Variants in TRAPPC9 observed in about 807,000 individuals in gnomAD.
TRAPPC9 encodes trafficking protein particle complex subunit 9, also known as IKK2 binding protein.
In TRAPPC9, 83 loss-of-function variants were observed where a neutral mutation model predicts 124.0. That is an observed-to-expected ratio of 0.67 (90% CI 0.56 to 0.80). TRAPPC9 has a LOEUF of 0.80. TRAPPC9 is among the 30% of genes least tolerant of loss of function. TRAPPC9 has a pLI of 0.00. For missense variants in TRAPPC9, 1,302 were observed against 1,508.3 expected (o/e 0.86, Z 2.27); for synonymous variants, 638 against 617.5 (o/e 1.03, Z -0.49).
At chr8:140,165,586 G>A (rs2061821856) in intron 17 of TRAPPC9, among the ~76,000 whole-genome samples, 1 of 139,026 alleles carries the variant, frequency 7.2e-6, no homozygotes, top group Non-Finnish European at 1.6e-5. Context: ...GGGAAGGGAA[G>A]GGGGAAGGAG....
At chr8:140,342,590 C>T (rs1280344203) in intron 9 of TRAPPC9, among the ~76,000 whole-genome samples, 1 of 152,090 alleles carries the variant, frequency 6.6e-6, no homozygotes, top group East Asian at 1.9e-4. Flanking sequence ...AAATTATACC[C>T]CTTTACTGAC....
intron 19 of TRAPPC9, among the ~76,000 whole-genome samples, chr8:139,980,063 T>A (rs1197660003): frequency 6.6e-6 from 1 of 151,272 alleles, no homozygotes; most frequent in East Asian, 2.0e-4. Flanking sequence ...CCCAGTGACA[T>A]CGCACCTCAC....
intron 9 of TRAPPC9, among the ~76,000 whole-genome samples, chr8:140,349,995 C>T (rs1336020501): frequency 6.6e-6 from 1 of 152,158 alleles, no homozygotes; most frequent in African/African-American, 2.4e-5. Context: ...AGTAATCCTT[C>T]CCTTAACTCC....
intron 21 of TRAPPC9, among the ~76,000 whole-genome samples, chr8:139,838,306 G>A (rs868543626): frequency 6.6e-6 from 1 of 152,178 alleles, no homozygotes; most frequent in Non-Finnish European, 1.5e-5. Context: ...GGCACACATC[G>A]CTGAAGTGTG....
chr8:139,974,190 C>A (rs1274362776), intron 19 of TRAPPC9, among the ~76,000 whole-genome samples: 1 of 152,226 alleles, frequency 6.6e-6, no homozygotes, highest in Non-Finnish European at 1.5e-5. Flanking sequence ...GCTGAATTCA[C>A]AGCTCGCCCA....
At chr8:140,166,324 A>G (rs2061837241) in intron 17 of TRAPPC9, among the ~76,000 whole-genome samples, 1 of 152,196 alleles carries the variant, frequency 6.6e-6, no homozygotes, top group Non-Finnish European at 1.5e-5. Flanking sequence ...AGAAAAGGTG[A>G]TCTCCCTCCA....
intron 17 of TRAPPC9, among the ~76,000 whole-genome samples, chr8:140,039,450 AT>A (rs544226004): frequency 9.4e-4 from 143 of 152,358 alleles, no homozygotes; most frequent in African/African-American, 3.3e-3. Context: ...GGATTGTGTG[AT>A]TTTAAAAAAC....
chr8:139,781,529 A>G (rs1160032374), intron 21 of TRAPPC9, among the ~76,000 whole-genome samples: 3 of 152,278 alleles, frequency 2.0e-5, no homozygotes, highest in Non-Finnish European at 2.9e-5. Context: ...CCTATTCTGT[A>G]TGATACTCTA....
Position 139,821,061 on chromosome 8 carries a change from C to T in TRAPPC9, c.3055+64818G>A, listed in dbSNP as rs138510159. Among the ~76,000 whole-genome samples, 598 of 152,294 alleles carry T rather than the reference C, an allele frequency of 3.9e-3. 5 individuals carry two copies. Among genetic ancestry groups the T allele is most frequent in the East Asian group, 3.9e-3 (20 of 5,190 alleles). On this transcript the variant is annotated intron_variant, in intron 21 of 22. Coordinates refer to ENST00000438773, the MANE Select transcript of TRAPPC9 (RefSeq NM_001160372.4). The stretch of plus-strand genomic sequence containing the variant: ...AACAGACCAGGAAATGTATCTGCAG[C>T]ACCAGGAAATGTATCTGCAGTAGGC...
intron 6 of TRAPPC9, among the ~76,000 whole-genome samples, chr8:140,398,899 G>C (rs921020296): frequency 1.3e-5 from 2 of 152,244 alleles, no homozygotes; most frequent in Admixed American, 1.3e-4. Flanking sequence ...AGGCCTGGAG[G>C]CCTAGGAGGA....
intron 17 of TRAPPC9, chr8:140,100,459 T>A (rs980008451): frequency 6.6e-6 from 1 of 152,202 alleles, no homozygotes; most frequent in Non-Finnish European, 1.5e-5. Context: ...CCCAGCTACG[T>A]CTCGGTTCGC....
At chr8:139,871,969 C>T (rs977861812) in intron 21 of TRAPPC9, among the ~76,000 whole-genome samples, 2 of 149,706 alleles carry the variant, frequency 1.3e-5, no homozygotes, top group African/African-American at 4.9e-5. Context: ...GGTGGATAAG[C>T]TGGTGGATGG....
chr8:139,918,632 T>G (rs1193861164), intron 19 of TRAPPC9, among the ~76,000 whole-genome samples: 1 of 152,240 alleles, frequency 6.6e-6, no homozygotes, highest in Non-Finnish European at 1.5e-5. Flanking sequence ...AGCGTGGAAG[T>G]GCCCGACATC....
chr8:140,457,794 G>GC (rs2071743418), upstream of TRAPPC9: 2 of 1,024,590 alleles, frequency 2.0e-6, no homozygotes, highest in Non-Finnish European at 1.2e-6. Context: ...CCAGGCCTGG[G>GC]CCCCCGATCC....
rs2064303413 is a variant in TRAPPC9, at chr8:140,257,739, G to C, written c.2279-4810C>G. On this transcript the variant is annotated intron_variant, in intron 15 of 22. Coordinates refer to ENST00000438773, the MANE Select transcript of TRAPPC9 (RefSeq NM_001160372.4). The surrounding 1 kb of genome is among the most constrained non-coding windows in gnomAD (Gnocchi z 4.6). Reference sequence around the variant, plus strand: ...AGAGCTTTTTAATACCCAGGTCCAGGGTATCTACTCAGATATGCAACCATC... The same window carrying C: ...AGAGCTTTTTAATACCCAGGTCCAGCGTATCTACTCAGATATGCAACCATC... Among the ~76,000 whole-genome samples, 1 of 152,080 alleles carries C rather than the reference G, an allele frequency of 6.6e-6. No homozygotes were observed. The highest frequency in any genetic ancestry group is 1.5e-5 in the Non-Finnish European group (1 of 68,030).
chr8:139,932,290 G>A (rs1464396101), intron 19 of TRAPPC9: 7 of 457,484 alleles, frequency 1.5e-5, no homozygotes, highest in Middle Eastern at 3.3e-4. Context: ...GCCACCATGG[G>A]AGAATGTCCC....
intron 2 of TRAPPC9, 73 bp downstream of exon 2, chr8:140,450,717 A>G (rs532808125): frequency 2.5e-6 from 3 of 1,181,518 alleles, no homozygotes; most frequent in African/African-American, 3.0e-5. Flanking sequence ...CCTTGCTGCA[A>G]TGAAATTCTG....
intron 17 of TRAPPC9, among the ~76,000 whole-genome samples, chr8:140,073,094 G>A (rs1056545215): frequency 8.5e-5 from 13 of 152,176 alleles, no homozygotes; most frequent in Non-Finnish European, 1.6e-4. Context: ...ACACTGCCGG[G>A]GGAATGTAAA....
intron 21 of TRAPPC9, among the ~76,000 whole-genome samples, chr8:139,854,623 T>C (rs1827690456): frequency 6.6e-6 from 1 of 152,300 alleles, no homozygotes; most frequent in East Asian, 1.9e-4. Flanking sequence ...CTCGGTGAGA[T>C]GGTAAGAGTA....
Sources: gnomAD v4.1 joint callset for allele counts (sites outside exome capture counted in the v4.1 genomes callset) on GRCh38, gnomAD v4.1.1 for gene constraint, Gnocchi (gnomAD v3.1) non-coding constraint, MANE v1.5 for transcripts, NCBI Gene and HGNC (gene_info 2026-07-23, HGNC 2026-07-21) for gene names.